The following SEZ6L variants were observed in gnomAD, a reference collection of about 807,000 sequenced individuals.
The protein encoded by SEZ6L is seizure 6-like protein.
A neutral mutation model predicts 106.2 loss-of-function variants in SEZ6L; 37 were observed. The ratio of observed to expected loss-of-function variants is 0.35; its 90% CI spans 0.27 to 0.46. SEZ6L has a LOEUF of 0.46. Ranked by LOEUF, SEZ6L falls within the 20% of genes least tolerant of loss-of-function variation. SEZ6L has a pLI of 1.00. For missense variants in SEZ6L, 1,172 were observed against 1,332.8 expected (o/e 0.88, Z 1.88); for synonymous variants, 541 against 570.4 (o/e 0.95, Z 0.73).
At chr22:26,249,905 T>G (rs1402674501) in intron 1 of SEZ6L, among the ~76,000 whole-genome samples, 1 of 152,202 alleles carries the variant, frequency 6.6e-6, no homozygotes, top group African/African-American at 2.4e-5. Flanking sequence ...TTGATTTGTA[T>G]TTTCCTGATG....
At chr22:26,219,256 T>TTTTG (rs1407699302) in intron 1 of SEZ6L, among the ~76,000 whole-genome samples, 1 of 53,476 alleles carries the variant, frequency 1.9e-5, no homozygotes, top group Non-Finnish European at 4.8e-5. Context: ...AAATACAAGT[T>TTTTG]TTTTTTTTTT....
At chr22:26,222,429 A>G (rs1419781163) in intron 1 of SEZ6L, among the ~76,000 whole-genome samples, 1 of 152,136 alleles carries the variant, frequency 6.6e-6, no homozygotes, top group Non-Finnish European at 1.5e-5. Flanking sequence ...CCATTGCATC[A>G]CCCACCTTTT....
intron 12 of SEZ6L, among the ~76,000 whole-genome samples, chr22:26,356,345 A>G (rs1307986978): frequency 6.6e-6 from 1 of 152,222 alleles, no homozygotes; most frequent in African/African-American, 2.4e-5. Flanking sequence ...TTATTATTAA[A>G]TAATGACAAT....
At chr22:26,360,678 C>G (rs2083586652) in intron 12 of SEZ6L, among the ~76,000 whole-genome samples, 1 of 152,162 alleles carries the variant, frequency 6.6e-6, no homozygotes, top group African/African-American at 2.4e-5. Context: ...GCCTCCCCGA[C>G]CAGGGGGCGG....
rs184394064 is a variant in SEZ6L, at chr22:26,312,303, A to T, written c.1876+341A>T. On this transcript the variant is annotated intron_variant, in intron 8 of 16. Coordinates refer to ENST00000248933, the MANE Select transcript of SEZ6L (RefSeq NM_021115.5). ...CCACGCAATAACCTCATTAATAAGA[A>T]CAATAATAGTTCTTAATTGGTGTGT... 3.3e-5 allele frequency among the ~76,000 whole-genome samples: 5 copies of T among 152,366 alleles called. No individual in the cohort carries two copies. In the East Asian group the frequency reaches 5.8e-4, roughly 18 times the overall value.
At chr22:26,342,477 CA>C (rs2082867531) in intron 10 of SEZ6L, among the ~76,000 whole-genome samples, 1 of 151,642 alleles carries the variant, frequency 6.6e-6, no homozygotes, top group Non-Finnish European at 1.5e-5. Context: ...ATTACGAGGT[CA>C]GGAGATCGAG....
chr22:26,345,260 A>T (rs1386599896), intron 10 of SEZ6L, among the ~76,000 whole-genome samples: 3 of 152,266 alleles, frequency 2.0e-5, no homozygotes, highest in Non-Finnish European at 4.4e-5. Flanking sequence ...TAAGTGACTT[A>T]GCCAAGGCCA....
chr22:26,264,829 G>A (rs1203687514), intron 1 of SEZ6L, among the ~76,000 whole-genome samples: 2 of 152,222 alleles, frequency 1.3e-5, no homozygotes, highest in Non-Finnish European at 2.9e-5. Flanking sequence ...GTTATCACAG[G>A]AAGGGGAAAT....
rs73415354 is a variant in SEZ6L at position 26,382,046 on chromosome 22, T to C, written c.*1751T>C. ...TTGACAGCAGGAACTCAGACTTCAA[T>C]CTTGGGGGTCTAAGACCAGAATATT... On this transcript the variant is annotated 3_prime_UTR_variant, in exon 17 of 17. Transcript: ENST00000248933. 0.023 allele frequency: 12,068 copies of C among 518,734 alleles called. 1,199 individuals are homozygous for C. The highest frequency in any genetic ancestry group is 0.21 in the African/African-American group (10,693 of 51,976). The allele number at this position is 518,734 out of a possible 1,614,324, so 32.1% of individuals were successfully genotyped here.
chr22:26,300,365 T>G (rs113362231), intron 5 of SEZ6L, among the ~76,000 whole-genome samples: 1,775 of 152,240 alleles, frequency 0.012, 44 homozygotes, highest in African/African-American at 0.04. Flanking sequence ...CCATGTGTTC[T>G]CATTGTTCAA....
chr22:26,313,987 C>A, intron 9 of SEZ6L, 85 bp downstream of exon 9: 5 of 1,370,750 alleles, frequency 3.6e-6, no homozygotes, highest in East Asian at 2.4e-5. Context: ...TTCTTTCAAC[C>A]AATATTAACT....
intron 1 of SEZ6L, among the ~76,000 whole-genome samples, chr22:26,287,152 T>C (rs948267184): frequency 6.6e-6 from 1 of 152,026 alleles, no homozygotes; most frequent in Non-Finnish European, 1.5e-5. Context: ...AGAGATACGC[T>C]GCTGCCCCAA....
At chr22:26,334,670 G>C (rs1235006751) in intron 9 of SEZ6L, among the ~76,000 whole-genome samples, 1 of 152,206 alleles carries the variant, frequency 6.6e-6, no homozygotes, top group African/African-American at 2.4e-5. Context: ...ATGATGGTCT[G>C]AGGATAGCCT....
intron 1 of SEZ6L, among the ~76,000 whole-genome samples, chr22:26,278,849 A>G (rs993432063): frequency 4.3e-5 from 6 of 140,286 alleles, no homozygotes; most frequent in African/African-American, 1.6e-4. Flanking sequence ...AAAGGAAAGA[A>G]AGAAGAAAAG....
At chr22:26,206,586 T>C (rs1026858507) in intron 1 of SEZ6L, among the ~76,000 whole-genome samples, 1 of 152,232 alleles carries the variant, frequency 6.6e-6, no homozygotes, top group African/African-American at 2.4e-5. Context: ...AGCCATCTGA[T>C]TAACACTAAA....
rs2084428595 is a variant in SEZ6L, at chr22:26,382,146, T to C, written c.*1851T>C. The C allele has an allele frequency of 4.3e-6, 2 of 465,780 alleles. No individual in the cohort carries two copies. The highest frequency in any genetic ancestry group is 8.6e-6 in the Non-Finnish European group (2 of 233,104). 28.9% of individuals were successfully genotyped at this position (465,780 alleles called of 1,614,324 possible). On this transcript the variant is annotated 3_prime_UTR_variant, in exon 17 of 17. Transcript: ENST00000248933. ...TGTGTGGTCCATGGCAAGAAATAGCTAAAGGCTGCTTTCCAGGACCCAAAG... is the reference window on the plus strand; with the variant it reads ...TGTGTGGTCCATGGCAAGAAATAGCCAAAGGCTGCTTTCCAGGACCCAAAG...
chr22:26,210,014 G>GTGAAAAAAA lies in SEZ6L; in HGVS notation c.94+40252_94+40253insGAAAAAAAT, dbSNP rs1233109302. 1.1e-3 allele frequency among the ~76,000 whole-genome samples: 168 copies of GTGAAAAAAA among 151,488 alleles called. 1 individual carries two copies. Among genetic ancestry groups the GTGAAAAAAA allele is most frequent in the African/African-American group, 4.0e-3 (163 of 41,176 alleles). ...GGGAGGAAGGAAGGAAGAAGGATGGGTCAATGAAAAAAAATATGTATTATG... is the reference window on the plus strand; with the variant it reads ...GGGAGGAAGGAAGGAAGAAGGATGGGTGAAAAAAATCAATGAAAAAAAATATGTATTATG... On this transcript the variant is annotated intron_variant, in intron 1 of 16. Coordinates refer to ENST00000248933, the MANE Select transcript of SEZ6L (RefSeq NM_021115.5).
At chr22:26,205,061 A>T (rs193075195) in intron 1 of SEZ6L, among the ~76,000 whole-genome samples, 1 of 152,348 alleles carries the variant, frequency 6.6e-6, no homozygotes, top group Non-Finnish European at 1.5e-5. Context: ...TTGTTTTCCC[A>T]TTCATTATTC....
chr22:26,377,008 G>T (rs1453565090), intron 15 of SEZ6L, among the ~76,000 whole-genome samples: 2 of 152,134 alleles, frequency 1.3e-5, no homozygotes, highest in African/African-American at 4.8e-5. Flanking sequence ...GGCCAGGCAT[G>T]GTGGTTCATC....
Sources: gnomAD v4.1 joint callset for allele counts (sites outside exome capture counted in the v4.1 genomes callset) on GRCh38, gnomAD v4.1.1 for gene constraint, MANE v1.5 for transcripts, NCBI Gene and HGNC (gene_info 2026-07-23, HGNC 2026-07-21) for gene names.